The following TENM2 variants were observed in gnomAD, a reference collection of about 807,000 sequenced individuals.
TENM2 encodes the protein teneurin transmembrane protein 2, also known as teneurin-2.
Under a neutral mutation model 245.2 loss-of-function variants are expected in TENM2, and 52 were observed. That is an observed-to-expected ratio of 0.21 (90% CI 0.17 to 0.27). TENM2 has a LOEUF of 0.27. Among genes scored for constraint, TENM2 ranks in the 10% least tolerant of loss-of-function variants. The probability of loss-of-function intolerance (pLI) is 1.00; values close to 1 mark genes in which losing one functional copy is unlikely to be tolerated. For missense variants in TENM2, 3,046 were observed against 3,666.8 expected, an observed-to-expected ratio of 0.83 and a Z score of 4.37; for synonymous variants, 1,363 against 1,438.9, an observed-to-expected ratio of 0.95 and a Z score of 1.19.
Position 167,379,496 on chromosome 5 carries a change from G to A in TENM2, c.502+4023G>A, listed in dbSNP as rs191092969. Among the ~76,000 whole-genome samples, 13 of 152,224 alleles carry A rather than the reference G, an allele frequency of 8.5e-5. No individual in the cohort carries two copies. The East Asian group carries it at 1.7e-3, about 20-fold the overall frequency. The stretch of plus-strand genomic sequence containing the variant: ...TTTTCTCCTTTCTCTCCAGAAAGCG[G>A]CCTCTCAATAAATCTAGCATTGGAG... On this transcript the variant is annotated intron_variant, in intron 2 of 28. Coordinates refer to ENST00000518659, the Ensembl canonical transcript of TENM2.
At chr5:168,176,804 G>A (rs931728157) in intron 13 of TENM2, among the ~76,000 whole-genome samples, 6 of 152,114 alleles carry the variant, frequency 3.9e-5, no homozygotes, top group Non-Finnish European at 8.8e-5. Flanking sequence ...TAGATGATTG[G>A]GAGATAAATA....
rs546751381 is a variant in TENM2 at position 168,209,402 on chromosome 5, T to C, written c.3825-2332T>C. Among the ~76,000 whole-genome samples, 76 of 152,312 alleles carry C rather than the reference T, an allele frequency of 5.0e-4. 2 individuals are homozygous for C. The highest frequency in any genetic ancestry group is 5.0e-3 in the Admixed American group (76 of 15,294). On this transcript the variant is annotated intron_variant, in intron 19 of 28. Coordinates refer to ENST00000518659, the Ensembl canonical transcript of TENM2. ...GCAGTGATGCTAGACAAATCAACAT[T>C]GTAGGGCAGGAGCATTCCTCAAAGA...
intron 5 of TENM2, among the ~76,000 whole-genome samples, chr5:168,004,727 A>G (rs950263065): frequency 6.6e-6 from 1 of 152,154 alleles, no homozygotes; most frequent in African/African-American, 2.4e-5. Flanking sequence ...ATTTGCACAG[A>G]TATGGATGCC....
At chr5:168,082,164 G>A (rs767330104) in intron 7 of TENM2, among the ~76,000 whole-genome samples, 13 of 151,928 alleles carry the variant, frequency 8.6e-5, no homozygotes, top group South Asian at 2.1e-4. Context: ...TTCTCTTCTC[G>A]CTTCATTTCA....
intron 2 of TENM2, among the ~76,000 whole-genome samples, chr5:167,798,887 TACCCTTGATGAGCTTCAA>T (rs533846347): frequency 9.4e-4 from 143 of 152,338 alleles, no homozygotes; most frequent in African/African-American, 3.3e-3. Flanking sequence ...TGCTGAACCC[TACCCTTGATGAGCTTCAA>T]ACCTGGAATA....
intron 2 of TENM2, among the ~76,000 whole-genome samples, chr5:167,867,060 G>A (rs753791758): frequency 6.6e-6 from 1 of 152,162 alleles, no homozygotes; most frequent in Non-Finnish European, 1.5e-5. Context: ...GATCTGGGAG[G>A]TGTAATTAAG....
intron 2 of TENM2, among the ~76,000 whole-genome samples, chr5:167,707,874 C>T (rs1758639649): frequency 6.6e-6 from 1 of 152,134 alleles, no homozygotes; most frequent in Non-Finnish European, 1.5e-5. Flanking sequence ...TTAGTAGAGA[C>T]TCTCCATCAC....
intron 2 of TENM2, among the ~76,000 whole-genome samples, chr5:167,486,087 G>A (rs1170680847): frequency 6.6e-6 from 1 of 151,872 alleles, no homozygotes; most frequent in African/African-American, 2.4e-5. Context: ...AATTATGGAA[G>A]CATATCTTAT....
intron 1 of TENM2, among the ~76,000 whole-genome samples, chr5:167,360,586 A>C (rs1456307164): frequency 2.0e-5 from 3 of 152,188 alleles, no homozygotes; most frequent in African/African-American, 7.2e-5. Flanking sequence ...TATGTTAAGA[A>C]TGAATATTCA....
chr5:168,047,531 A>T (rs1455814198), exon 6 of TENM2: 2 of 1,551,740 alleles, frequency 1.3e-6, no homozygotes. Context: ...TGTGGCAACA[A>T]TGCCATCTGG....
intron 2 of TENM2, among the ~76,000 whole-genome samples, chr5:167,630,391 AC>A (rs1001536517): frequency 3.3e-5 from 5 of 152,150 alleles, no homozygotes; most frequent in African/African-American, 1.2e-4. Flanking sequence ...GGGATGACCC[AC>A]CTCTGCAGTG....
intron 2 of TENM2, among the ~76,000 whole-genome samples, chr5:167,784,434 G>C (rs547308717): frequency 3.5e-4 from 54 of 152,284 alleles, no homozygotes; most frequent in Non-Finnish European, 7.2e-4. Context: ...ATTATTTAAA[G>C]CAGGAATAAT....
intron 3 of TENM2, among the ~76,000 whole-genome samples, chr5:167,917,268 C>G (rs1194634972): frequency 2.6e-5 from 4 of 151,858 alleles, no homozygotes; most frequent in Non-Finnish European, 5.9e-5. Flanking sequence ...CAGTTCTAGC[C>G]CAAGAGAAAA....
At chr5:167,615,156 A>G (rs1384450354) in intron 2 of TENM2, among the ~76,000 whole-genome samples, 1 of 152,142 alleles carries the variant, frequency 6.6e-6, no homozygotes, top group Non-Finnish European at 1.5e-5. Flanking sequence ...TCACCTAATA[A>G]GGATTTTTAT....
intron 9 of TENM2, among the ~76,000 whole-genome samples, chr5:168,104,953 A>T (rs1794126195): frequency 6.6e-6 from 1 of 152,158 alleles, no homozygotes; most frequent in Non-Finnish European, 1.5e-5. Flanking sequence ...GGAGCGAGGG[A>T]ACCACAGGCT....
chr5:167,129,123 A>AT, the TENM2 span, among the ~76,000 whole-genome samples: 1 of 151,980 alleles, frequency 6.6e-6, no homozygotes, highest in African/African-American at 2.4e-5. Flanking sequence ...TTTGACTGAG[A>AT]TTTTTAGGGC....
intron 13 of TENM2, among the ~76,000 whole-genome samples, chr5:168,174,400 A>G (rs1047890778): frequency 2.6e-5 from 4 of 152,148 alleles, no homozygotes; most frequent in Non-Finnish European, 5.9e-5. Flanking sequence ...TCTACCTCAT[A>G]GGATACTGTG....
rs35699708 is a variant in TENM2 at position 167,445,369 on chromosome 5, A to AGAGT, written c.502+69897_502+69898insAGTG. 3.9e-3 allele frequency among the ~76,000 whole-genome samples: 387 copies of AGAGT among 98,524 alleles called. 4 individuals carry two copies. The highest frequency in any genetic ancestry group is 6.9e-3 in the East Asian group (17 of 2,450). The allele number at this position is 98,524 out of a possible 152,430, so 64.6% of individuals were successfully genotyped here. On this transcript the variant is annotated intron_variant, in intron 2 of 28. Transcript: ENST00000518659. Reference sequence around the variant, plus strand: ...GAGAGAGAGAGAGAGAGAGAGAGAGAGTGTCAGGTGTTGTCTTGTTGTTGG... The same window carrying AGAGT: ...GAGAGAGAGAGAGAGAGAGAGAGAGAGAGTGTGTCAGGTGTTGTCTTGTTGTTGG...
chr5:168,098,550 C>T (rs571271785), intron 9 of TENM2, among the ~76,000 whole-genome samples: 3 of 152,022 alleles, frequency 2.0e-5, no homozygotes, highest in African/African-American at 7.2e-5. Context: ...TTGGTGGAAT[C>T]GGTTTTAAAT....
Sources: gnomAD v4.1 joint callset for allele counts (sites outside exome capture counted in the v4.1 genomes callset) on GRCh38, gnomAD v4.1.1 for gene constraint, MANE v1.5 for transcripts, NCBI Gene and HGNC (gene_info 2026-07-23, HGNC 2026-07-21) for gene names.